Variants in CNTLN observed in about 807,000 individuals in gnomAD.
The protein encoded by CNTLN is centlein.
CNTLN carries 212 observed loss-of-function variants against 180.0 expected under a neutral mutation model. That is an observed-to-expected ratio of 1.18 (90% CI 1.05 to 1.32). The LOEUF is 1.32. Among genes scored for constraint, CNTLN ranks in the 40% most tolerant of loss-of-function variants. The pLI is 0.00. For missense variants in CNTLN, 2,095 were observed against 1,610.9 expected (o/e 1.30, Z -5.14); for synonymous variants, 722 against 563.1 (o/e 1.28, Z -3.99).
At chr9:17,342,059 A>G (rs138987851) in intron 11 of CNTLN, among the ~76,000 whole-genome samples, 2 of 152,104 alleles carry the variant, frequency 1.3e-5, no homozygotes, top group African/African-American at 2.4e-5. Context: ...TTTCATTACT[A>G]CTAGACTGAA....
intron 18 of CNTLN, among the ~76,000 whole-genome samples, chr9:17,432,689 T>C (rs1483889475): frequency 6.6e-6 from 1 of 152,026 alleles, no homozygotes; most frequent in Non-Finnish European, 1.5e-5. Flanking sequence ...ATAAAATGCA[T>C]CAGTATAAAT....
At chr9:17,340,784 C>G (rs750141219) in intron 10 of CNTLN, 43 bp from the exon 11 acceptor site, 4 of 1,531,758 alleles carry the variant, frequency 2.6e-6, no homozygotes, top group Admixed American at 4.1e-5. Context: ...TATATTAATA[C>G]TTTCTTCAAA....
chr9:17,462,129 AAC>A (rs967344202), intron 19 of CNTLN, among the ~76,000 whole-genome samples: 4 of 151,910 alleles, frequency 2.6e-5, no homozygotes, highest in Admixed American at 1.3e-4. Context: ...GGCTTAAAAC[AAC>A]AGTTTATTAT....
intron 7 of CNTLN, chr9:17,301,427 C>T: frequency 1.0e-6 from 1 of 985,374 alleles, no homozygotes; most frequent in Non-Finnish European, 1.2e-6. Flanking sequence ...AGAGAACAAA[C>T]TGAGATGTGC....
At chr9:17,445,707 TCCC>T (rs1051941761) in intron 18 of CNTLN, among the ~76,000 whole-genome samples, 2 of 152,060 alleles carry the variant, frequency 1.3e-5, no homozygotes, top group Non-Finnish European at 2.9e-5. Flanking sequence ...CCAAGGTTTC[TCCC>T]CATGTGATAG....
intron 2 of CNTLN, among the ~76,000 whole-genome samples, chr9:17,217,217 A>G (rs1433225932): frequency 1.3e-5 from 2 of 152,244 alleles, no homozygotes; most frequent in Non-Finnish European, 2.9e-5. Flanking sequence ...CTTTATACAC[A>G]TGGCAGAAGG....
At chr9:17,366,418 G>A (rs956362051) in intron 12 of CNTLN, among the ~76,000 whole-genome samples, 199 bp from the exon 13 acceptor site, 5 of 152,020 alleles carry the variant, frequency 3.3e-5, no homozygotes, top group Non-Finnish European at 5.9e-5. Flanking sequence ...TGCTGGAATT[G>A]TAGGTATGAG....
chr9:17,363,740 G>T (rs1040637901), intron 12 of CNTLN, among the ~76,000 whole-genome samples: 2 of 151,932 alleles, frequency 1.3e-5, no homozygotes, highest in African/African-American at 4.8e-5. Flanking sequence ...AGCTCATTCA[G>T]ATATTGCTAT....
rs758814866 is a variant in CNTLN, at chr9:17,143,270, C to G, written c.361-18C>G. 3 of 1,583,768 alleles carry G rather than the reference C, an allele frequency of 1.9e-6. No homozygotes were observed. Among genetic ancestry groups the G allele is most frequent in the Non-Finnish European group, 2.6e-6 (3 of 1,157,734 alleles). ...CACTACAAAGCAATGCATCTAAATT[C>G]TCTTTTATTTCTTTAAGGCTGATAA... is the stretch of plus-strand genomic sequence containing the variant. On this transcript the variant is annotated intron_variant, in intron 1 of 25. Transcript: ENST00000380647.
At chr9:17,303,016 G>A (rs755991523) in intron 7 of CNTLN, among the ~76,000 whole-genome samples, 2 of 152,114 alleles carry the variant, frequency 1.3e-5, no homozygotes, top group East Asian at 1.9e-4. Context: ...AGGCACTGGC[G>A]ATAGGGCTTT....
At chr9:17,487,087 A>G in intron 25 of CNTLN, 21 bp downstream of exon 25, 2 of 1,495,516 alleles carry the variant, frequency 1.3e-6, no homozygotes, top group Non-Finnish European at 1.9e-6. Flanking sequence ...TTTCTGTTTC[A>G]TATATTAAGC....
At chr9:17,206,396 G>A (rs1822925858) in intron 2 of CNTLN, among the ~76,000 whole-genome samples, 1 of 152,166 alleles carries the variant, frequency 6.6e-6, no homozygotes, top group Non-Finnish European at 1.5e-5. Flanking sequence ...CTGTTGTGTT[G>A]CAAAATCGGA....
intron 3 of CNTLN, among the ~76,000 whole-genome samples, chr9:17,230,183 TTGTGATTGGCTGAATGCTTGGCTGC>T (rs1330112803): frequency 1.3e-5 from 2 of 152,178 alleles, no homozygotes; most frequent in African/African-American, 4.8e-5. Flanking sequence ...CAATTTGCAC[TTGTGATTGGCTGAATGCTTGGCTGC>T]TGTGATTGGC....
chr9:17,297,838 C>A (rs891752732), intron 6 of CNTLN, among the ~76,000 whole-genome samples: 5 of 152,108 alleles, frequency 3.3e-5, no homozygotes, highest in Non-Finnish European at 7.4e-5. Context: ...ACCCTTTGTT[C>A]AAAACTGTCT....
intron 6 of CNTLN, among the ~76,000 whole-genome samples, chr9:17,283,826 G>T (rs911911928): frequency 6.6e-6 from 1 of 152,032 alleles, no homozygotes; most frequent in South Asian, 2.1e-4. Context: ...TTTTATCGAA[G>T]GCCTTTTCTG....
At position 17,290,590 on chromosome 9, in the gene CNTLN, G is replaced by C. The variant is rs1405461800; in HGVS notation, c.984-7600G>C. ...TACCTAAGGAAGCCTGGGCAATGGC[G>C]GGCGCCCCTCCCCCAGCCTGGCTGC... On this transcript the variant is annotated intron_variant, in intron 6 of 25. Coordinates refer to ENST00000380647, the MANE Select transcript of CNTLN (RefSeq NM_017738.4). Among the ~76,000 whole-genome samples, 2 of 140,662 alleles carry C rather than the reference G, an allele frequency of 1.4e-5. 1 individual carries two copies. The highest frequency in any genetic ancestry group is 3.2e-5 in the Non-Finnish European group (2 of 63,060). The allele number at this position is 140,662 out of a possible 152,430, so 92.3% of individuals were successfully genotyped here.
chr9:17,291,280 C>T (rs576851443), intron 6 of CNTLN, among the ~76,000 whole-genome samples: 1 of 152,086 alleles, frequency 6.6e-6, no homozygotes, highest in African/African-American at 2.4e-5. Context: ...AATATATATT[C>T]CATTGTTTTT....
At chr9:17,506,932 G>A (rs759542668), downstream of CNTLN, among the ~76,000 whole-genome samples, 1 of 151,986 alleles carries the variant, frequency 6.6e-6, no homozygotes. Flanking sequence ...TTAAATCAGG[G>A]TAATTATATC....
At chr9:17,297,920 T>C (rs1290869466) in intron 6 of CNTLN, among the ~76,000 whole-genome samples, 1 of 152,240 alleles carries the variant, frequency 6.6e-6, no homozygotes, top group Non-Finnish European at 1.5e-5. Context: ...AAGGTTGTAC[T>C]ATGTATATCC....
Sources: allele counts gnomAD v4.1 joint callset (sites outside exome capture counted in the v4.1 genomes callset), GRCh38; gene constraint gnomAD v4.1.1; transcripts MANE v1.5; gene names NCBI Gene and HGNC (gene_info 2026-07-23, HGNC 2026-07-21).